VPS26C: variants seen among roughly 807,000 people sequenced by gnomAD.
The protein encoded by VPS26C is vacuolar protein sorting-associated protein 26C.
Under a neutral mutation model 30.6 loss-of-function variants are expected in VPS26C, and 19 were observed. The ratio of observed to expected loss-of-function variants is 0.62; its 90% CI spans 0.43 to 0.91. The LOEUF (loss-of-function observed/expected upper bound fraction) is 0.91. VPS26C is among the 40% of genes least tolerant of loss of function. The pLI is 0.00. For synonymous variants in VPS26C, 132 were observed against 151.5 expected, an observed-to-expected ratio of 0.87 and a Z score of 0.95; for missense variants, 318 against 385.1, an observed-to-expected ratio of 0.83 and a Z score of 1.46.
At chr21:37,229,533 T>C (rs941489646) in intron 5 of VPS26C, 35 of 152,232 alleles carry the variant, frequency 2.3e-4, no homozygotes, top group African/African-American at 7.2e-4. Flanking sequence ...AAGCCACATA[T>C]ATAATTTGGA....
At chr21:37,232,319 C>A (rs1046561567) in intron 5 of VPS26C, 58 bp downstream of exon 5, 19 of 1,480,856 alleles carry the variant, frequency 1.3e-5, no homozygotes, top group Non-Finnish European at 1.6e-5. Context: ...ATAGCTAGTC[C>A]GTGGGGTCTG....
chr21:37,232,298 C>T lies in VPS26C; in HGVS notation c.507+79G>A, dbSNP rs1055705265. The T allele has an allele frequency of 1.2e-5, 14 of 1,208,970 alleles. No homozygotes were observed. The Admixed American group carries it at 2.5e-4, about 22-fold the overall frequency. The allele number at this position is 1,208,970 out of a possible 1,614,324, so 74.9% of individuals were successfully genotyped here. On this transcript the variant is annotated intron_variant, in intron 5 of 7. Transcript: ENST00000309117. ...TGATGACGTGATTTCCAAATGAAGA[C>T]CACCCGGGCAATAGCTAGTCCGTGG...
chr21:37,246,816 A>G (rs1360753738), intron 1 of VPS26C, among the ~76,000 whole-genome samples: 1 of 152,192 alleles, frequency 6.6e-6, no homozygotes, highest in African/African-American at 2.4e-5. Context: ...GGAGTACAGT[A>G]GTGTGATCAT....
In VPS26C at chr21:37,227,984, C is replaced by T. The variant is rs116820055; in HGVS notation, c.659-178G>A. On this transcript the variant is annotated intron_variant, in intron 6 of 7. Transcript: ENST00000309117. ...CACGCTCTTACTTTTGCTTCCCCGA[C>T]GTCCTCTCGTTTTTTAGAGTCAGGG... Among the ~76,000 whole-genome samples the T allele has an allele frequency of 2.3e-3, 349 of 152,354 alleles. 1 individual carries two copies. The highest frequency in any genetic ancestry group is 8.0e-3 in the African/African-American group (332 of 41,578).
At position 37,267,243 on chromosome 21, in the gene VPS26C, C is replaced by A. The variant is rs768724850; in HGVS notation, c.52G>T (p.Ala18Ser). ...CACCCCCAGCCCCCACTTACCCCGG[C>A]GTGATAAACTTTATTCGCTCTTTTA... ...KIKRANKVYH[A>S]GEVLSGVVVI... Residue 18 changes from alanine (A) to serine (S), a missense_variant, in exon 1 of 8, where the codon GCC becomes TCC. Physicochemically the swap from Ala to Ser is moderately conservative, Grantham distance 99. Coordinates refer to ENST00000309117, the MANE Select transcript of VPS26C (RefSeq NM_006052.2). 6.3e-7 allele frequency: 1 copy of A among 1,598,836 alleles called. No homozygotes were observed. Among genetic ancestry groups the A allele is most frequent in the Non-Finnish European group, 8.5e-7 (1 of 1,170,216 alleles).
chr21:37,258,203 T>TCCGGCAGCAGCA (rs934429699), intron 1 of VPS26C, among the ~76,000 whole-genome samples: 1 of 152,228 alleles, frequency 6.6e-6, no homozygotes, highest in Non-Finnish European at 1.5e-5. Context: ...CGCCCCGGCG[T>TCCGGCAGCAGCA]CCGGCAGCAG....
At chr21:37,250,596 G>A (rs570966029) in intron 1 of VPS26C, among the ~76,000 whole-genome samples, 205 of 146,094 alleles carry the variant, frequency 1.4e-3, no homozygotes, top group African/African-American at 5.0e-3. Context: ...AATATTTTAA[G>A]AATGCCTAAA....
intron 3 of VPS26C, chr21:37,237,509 A>G (rs1253696407): frequency 1.3e-5 from 2 of 152,226 alleles, no homozygotes; most frequent in Non-Finnish European, 2.9e-5. Flanking sequence ...GCTTCCTCTG[A>G]ATCCAGGTAC....
At chr21:37,230,077 C>G (rs765038296) in intron 5 of VPS26C, among the ~76,000 whole-genome samples, 11 of 152,174 alleles carry the variant, frequency 7.2e-5, no homozygotes, top group African/African-American at 2.2e-4. Flanking sequence ...ATGTTGCCCA[C>G]GCTGGTCTTG....
intron 1 of VPS26C, among the ~76,000 whole-genome samples, chr21:37,248,780 G>A (rs1279278063): frequency 1.3e-5 from 2 of 149,436 alleles, no homozygotes; most frequent in African/African-American, 4.9e-5. Context: ...CACTCAGAGA[G>A]AGAGACAGGA....
At chr21:37,259,985 C>G (rs559409284) in intron 1 of VPS26C, among the ~76,000 whole-genome samples, 11 of 152,314 alleles carry the variant, frequency 7.2e-5, no homozygotes, top group African/African-American at 1.7e-4. Context: ...TCTTAAAACA[C>G]TATCTCATTT....
chr21:37,231,022 A>G (rs771110527), intron 5 of VPS26C, among the ~76,000 whole-genome samples: 1 of 151,918 alleles, frequency 6.6e-6, no homozygotes, highest in Non-Finnish European at 1.5e-5. Context: ...GCCTACAAAC[A>G]CCCCGGCCAC....
At chr21:37,248,620 C>G (rs1159706539) in intron 1 of VPS26C, among the ~76,000 whole-genome samples, 1 of 151,442 alleles carries the variant, frequency 6.6e-6, no homozygotes. Context: ...ATAAGGCCCC[C>G]AAACCCGACA....
At chr21:37,234,408 G>A (rs1342598606) in intron 3 of VPS26C, among the ~76,000 whole-genome samples, 1 of 152,220 alleles carries the variant, frequency 6.6e-6, no homozygotes, top group African/African-American at 2.4e-5. Context: ...CCTACTGCAA[G>A]GTGAGCTCTA....
intron 1 of VPS26C, among the ~76,000 whole-genome samples, chr21:37,258,858 CAACA>C (rs1384631222): frequency 2.0e-5 from 3 of 152,304 alleles, no homozygotes; most frequent in African/African-American, 4.8e-5. Flanking sequence ...AGATTTGCAG[CAACA>C]AACACCAAGT....
rs149857496 is a variant in VPS26C, at chr21:37,235,435, T to C, written c.352-1993A>G. Among the ~76,000 whole-genome samples, 27 of 152,352 alleles carry C rather than the reference T, an allele frequency of 1.8e-4. No individual in the cohort carries two copies. In the East Asian group the frequency reaches 5.2e-3, roughly 29 times the overall value. ...AGGCGTGAGCCACGGTGCCCAGCCC[T>C]GTCCATAGTTTTAAAGTAGATTCCT... On this transcript the variant is annotated intron_variant, in intron 3 of 7. Transcript: ENST00000309117.
chr21:37,261,910 A>C (rs1330846947), intron 1 of VPS26C: 3 of 152,116 alleles, frequency 2.0e-5, no homozygotes, highest in Non-Finnish European at 4.4e-5. Flanking sequence ...TAGGGTTACA[A>C]GGGTTTGCCT....
At chr21:37,263,428 A>C (rs2086325394) in intron 1 of VPS26C, among the ~76,000 whole-genome samples, 1 of 152,206 alleles carries the variant, frequency 6.6e-6, no homozygotes, top group African/African-American at 2.4e-5. Flanking sequence ...TAGAGTGTTC[A>C]ATGGACATGC....
chr21:37,267,458 G>C, upstream of VPS26C: 1 of 481,200 alleles, frequency 2.1e-6, no homozygotes, highest in Non-Finnish European at 3.4e-6. Context: ...TCCGAGGGGC[G>C]AATGCCCACG....
Sources: allele counts gnomAD v4.1 joint callset (sites outside exome capture counted in the v4.1 genomes callset), GRCh38; gene constraint gnomAD v4.1.1; transcripts MANE v1.5; gene names NCBI Gene and HGNC (gene_info 2026-07-23, HGNC 2026-07-21).